Variants in MAP3K5 observed in about 807,000 individuals in gnomAD.
MAP3K5 encodes ASK-1.
Under a neutral mutation model 158.7 loss-of-function variants are expected in MAP3K5, and 56 were observed. That is an observed-to-expected ratio of 0.35 (90% CI 0.28 to 0.44). MAP3K5 has a LOEUF of 0.44. Ranked by LOEUF, MAP3K5 falls within the 20% of genes least tolerant of loss-of-function variation. MAP3K5 has a pLI of 1.00. For missense variants in MAP3K5, 1,294 were observed against 1,674.8 expected (o/e 0.77, Z 3.97); for synonymous variants, 579 against 601.7 (o/e 0.96, Z 0.55).
intron 2 of MAP3K5, among the ~76,000 whole-genome samples, chr6:136,717,431 G>A (rs1402875871): frequency 1.3e-5 from 2 of 152,124 alleles, no homozygotes; most frequent in Non-Finnish European, 2.9e-5. Context: ...AAGAGCAGCA[G>A]ATTAAAATAA....
At chr6:136,689,694 C>T (rs745499579) in intron 7 of MAP3K5, among the ~76,000 whole-genome samples, 4 of 152,088 alleles carry the variant, frequency 2.6e-5, no homozygotes, top group Non-Finnish European at 5.9e-5. Context: ...TCTCTCTTTC[C>T]CCTTCTGCCA....
chr6:136,734,571 G>C (rs975615111), intron 1 of MAP3K5, among the ~76,000 whole-genome samples: 1 of 151,944 alleles, frequency 6.6e-6, no homozygotes, highest in Non-Finnish European at 1.5e-5. Context: ...CATAAATTTA[G>C]ATCTCTATAA....
chr6:136,593,595 GA>G (rs1180955241), intron 21 of MAP3K5: 2 of 335,792 alleles, frequency 6.0e-6, no homozygotes, highest in Non-Finnish European at 1.2e-5. Context: ...TTCACAGAAA[GA>G]AAAACACAAA....
chr6:136,731,664 G>A (rs1410027168), intron 1 of MAP3K5, among the ~76,000 whole-genome samples: 1 of 152,168 alleles, frequency 6.6e-6, no homozygotes, highest in Non-Finnish European at 1.5e-5. Context: ...CAGGGGAGGT[G>A]AGGGACAAAT....
chr6:136,782,055 G>GAAA (rs376414394), intron 1 of MAP3K5, among the ~76,000 whole-genome samples: 1 of 132,774 alleles, frequency 7.5e-6, no homozygotes, highest in Non-Finnish European at 1.6e-5. Flanking sequence ...GTCTCTACTG[G>GAAA]AAAAAAAAAA....
intron 15 of MAP3K5, among the ~76,000 whole-genome samples, chr6:136,618,765 T>C (rs1776676571): frequency 6.6e-6 from 1 of 152,252 alleles, no homozygotes; most frequent in South Asian, 2.1e-4. Context: ...TACTGTTTCA[T>C]AAGAATCCAT....
At chr6:136,717,570 C>G (rs975475923) in intron 2 of MAP3K5, among the ~76,000 whole-genome samples, 5 of 152,230 alleles carry the variant, frequency 3.3e-5, no homozygotes, top group Non-Finnish European at 7.3e-5. Context: ...TTTTATTTCA[C>G]TTGGCTAATC....
intron 14 of MAP3K5, among the ~76,000 whole-genome samples, chr6:136,626,817 T>C (rs1404639550): frequency 2.7e-5 from 4 of 149,892 alleles, no homozygotes; most frequent in African/African-American, 1.0e-4. Context: ...ACCTCACTTA[T>C]CATCATAAGC....
chr6:136,696,243 C>T (rs768393742), intron 5 of MAP3K5, among the ~76,000 whole-genome samples, 186 bp from the exon 6 acceptor site: 6 of 151,994 alleles, frequency 3.9e-5, no homozygotes, highest in Non-Finnish European at 7.4e-5. Flanking sequence ...AGGTTTAGAT[C>T]GTATATATAA....
chr6:136,669,543 T>C (rs1779378201), intron 7 of MAP3K5, 148 bp from the exon 8 acceptor site: 7 of 585,190 alleles, frequency 1.2e-5, no homozygotes, highest in Non-Finnish European at 2.1e-5. Flanking sequence ...TATTAGGACT[T>C]AACGCTTCAG....
At chr6:136,626,093 C>T (rs938237011) in intron 14 of MAP3K5, among the ~76,000 whole-genome samples, 28 of 152,144 alleles carry the variant, frequency 1.8e-4, no homozygotes, top group Non-Finnish European at 1.5e-4. Context: ...CTCATCAGAT[C>T]GCTCTGCAAA....
chr6:136,759,761 ATTTTTTTTT>A (rs11317822), intron 1 of MAP3K5, among the ~76,000 whole-genome samples: 1 of 99,934 alleles, frequency 1.0e-5, no homozygotes, highest in Non-Finnish European at 2.0e-5. Context: ...CCAGCCCTCT[ATTTTTTTTT>A]TTTTTTTTTT....
chr6:136,777,776 C>G (rs757680576), intron 1 of MAP3K5, among the ~76,000 whole-genome samples: 3 of 149,642 alleles, frequency 2.0e-5, no homozygotes, highest in African/African-American at 5.0e-5. Flanking sequence ...TCTAAAGGAA[C>G]CTGGTTTGTT....
At chr6:136,590,222 C>A (rs896307775) in intron 23 of MAP3K5, among the ~76,000 whole-genome samples, 2 of 152,202 alleles carry the variant, frequency 1.3e-5, no homozygotes, top group Admixed American at 6.5e-5. Flanking sequence ...GGATCTTGGA[C>A]TTCCTAGCCT....
chr6:136,738,835 T>G (rs1782587661), intron 1 of MAP3K5, among the ~76,000 whole-genome samples: 1 of 151,834 alleles, frequency 6.6e-6, no homozygotes. Flanking sequence ...CAGGGACCGG[T>G]TCAGTCATCA....
chr6:136,678,384 T>C (rs1458884400), intron 7 of MAP3K5, among the ~76,000 whole-genome samples: 1 of 152,166 alleles, frequency 6.6e-6, no homozygotes, highest in African/African-American at 2.4e-5. Flanking sequence ...TACATGGCAG[T>C]ACTGCTGAAA....
chr6:136,731,213 T>C (rs889306684), intron 1 of MAP3K5, among the ~76,000 whole-genome samples: 3 of 152,224 alleles, frequency 2.0e-5, no homozygotes, highest in Admixed American at 1.3e-4. Flanking sequence ...TACTCTGGCA[T>C]GTTTGCCTTG....
rs576078006 is a variant in MAP3K5 at position 136,567,669 on chromosome 6, C to T, written c.3723G>A (p.Leu1241=). The change falls in exon 26 of 30, where the codon CTG becomes CTA. Residue 1241 remains leucine (L), a synonymous_variant. Coordinates refer to ENST00000359015, the MANE Select transcript of MAP3K5 (RefSeq NM_005923.4). Reference sequence around the variant, plus strand: ...TTTTCATCCTTCCAAGCTGTACATTCAGTGACCGGTGAGCACTCTGGGAAT... The same window carrying T: ...TTTTCATCCTTCCAAGCTGTACATTTAGTGACCGGTGAGCACTCTGGGAAT... The part of the protein sequence containing the change: ...SHDSQSAHRS[L]NVQLGRMKIE... The T allele has an allele frequency of 1.2e-6, 2 of 1,614,166 alleles. No homozygotes were observed. Among genetic ancestry groups the T allele is most frequent in the South Asian group, 2.2e-5 (2 of 91,080 alleles).
chr6:136,600,249 G>A (rs1200755730), intron 21 of MAP3K5, among the ~76,000 whole-genome samples: 2 of 148,392 alleles, frequency 1.3e-5, no homozygotes, highest in African/African-American at 5.0e-5. Flanking sequence ...GGAGTGCAGT[G>A]GTATAATCAC....
Sources: allele counts gnomAD v4.1 joint callset (sites outside exome capture counted in the v4.1 genomes callset), GRCh38; gene constraint gnomAD v4.1.1; transcripts MANE v1.5; gene names NCBI Gene and HGNC (gene_info 2026-07-23, HGNC 2026-07-21).